The following DLEU7 variants were observed in gnomAD, a reference collection of about 807,000 sequenced individuals.
The protein encoded by DLEU7 is deleted in lymphocytic leukemia 7, also known as leukemia-associated protein 7.
A neutral mutation model predicts 16.0 loss-of-function variants in DLEU7; 17 were observed. The observed-to-expected ratio is 1.06, with a 90% CI of 0.73 to 1.59. DLEU7 has a LOEUF of 1.59. DLEU7 is among the 40% of genes most tolerant of loss of function. The pLI, the probability that DLEU7 is intolerant of heterozygous loss-of-function variation, is 0.00. For synonymous variants in DLEU7, 113 were observed against 139.8 expected (o/e 0.81, Z 1.35); for missense variants, 308 against 314.9 (o/e 0.98, Z 0.17).
chr13:50,738,618 A>G (rs1369811789), intron 1 of DLEU7, among the ~76,000 whole-genome samples: 1 of 152,106 alleles, frequency 6.6e-6, no homozygotes, highest in Non-Finnish European at 1.5e-5. Flanking sequence ...CTCTTTCCAC[A>G]TTACCCTGCT....
rs1014222176 is a variant in DLEU7, at chr13:50,777,520, C to G, written c.460-64280G>C. ...TCCTTGCTCCTCAGCTTGTAGACAG[C>G]CTGTTGTGGAACCTTGTGATCATGT... On this transcript the variant is annotated intron_variant, in intron 1 of 1. Coordinates refer to the DLEU7 transcript ENST00000400393. 2.0e-5 allele frequency among the ~76,000 whole-genome samples: 3 copies of G among 152,136 alleles called. No individual in the cohort carries two copies. In the East Asian group the frequency reaches 5.8e-4, roughly 29 times the overall value.
chr13:50,768,233 T>C (rs1176446210), intron 1 of DLEU7, among the ~76,000 whole-genome samples: 3 of 152,192 alleles, frequency 2.0e-5, no homozygotes, highest in Non-Finnish European at 4.4e-5. Context: ...TATATACATA[T>C]ATATATTTGC....
At chr13:50,796,232 T>C (rs1306138182) in intron 1 of DLEU7, among the ~76,000 whole-genome samples, 2 of 152,168 alleles carry the variant, frequency 1.3e-5, no homozygotes, top group South Asian at 4.1e-4. Context: ...AGATTAATAA[T>C]AACTAATAAT....
Position 50,843,323 on chromosome 13 carries a change from C to A in DLEU7, c.324G>T (p.Gly108=). The A allele has an allele frequency of 6.6e-7, 1 of 1,504,438 alleles. No individual in the cohort carries two copies. The highest frequency in any genetic ancestry group is 8.9e-7 in the Non-Finnish European group (1 of 1,127,242). 93.2% of individuals were successfully genotyped at this position (1,504,438 alleles called of 1,614,324 possible). A position where few individuals can be genotyped will look rare whatever the true frequency, so the allele number is the denominator to read the frequency against. ...AELLPFPRDR[G]PCTLAQMAMR... ...TCGCCATCTGGGCCAGGGTGCAGGG[C>A]CCGCGGTCCCGGGGGAAGGGCAGCA... The change falls in exon 1 of 2, where the codon GGG becomes GGT. Residue 108 remains glycine, a synonymous_variant. Coordinates refer to ENST00000504404, the MANE Select transcript of DLEU7 (RefSeq NM_001306135.2). The surrounding 1 kb of genome is among the most constrained non-coding windows in gnomAD (Gnocchi z 5.7).
chr13:50,818,991 AAT>A (rs1481162071), downstream of DLEU7, among the ~76,000 whole-genome samples: 2 of 152,202 alleles, frequency 1.3e-5, no homozygotes, highest in Non-Finnish European at 2.9e-5. Context: ...ACTTTATTGC[AAT>A]ATATGATAAT....
rs1400826986 is a variant in DLEU7, at chr13:50,823,478, G to T, written c.502C>A (p.Gln168Lys). The stretch of plus-strand genomic sequence containing the variant: ...CTGTCAAACTGCTGTCCTTCAATCT[G>T]TAGAGCCAAATGACTGCAGATGTTT... ...FRNICSHLAL[Q>K]IEGQQFDRDL... Residue 168 changes from glutamine to lysine, a missense_variant, in exon 2 of 2, where the codon CAG (glutamine) becomes AAG (lysine). By Grantham distance (53) the Gln-to-Lys change is moderately conservative. Transcript: ENST00000504404. The T allele has an allele frequency of 6.5e-7, 1 of 1,535,908 alleles. No homozygotes were observed. The highest frequency in any genetic ancestry group is 2.0e-5 in the Admixed American group (1 of 50,990).
At chr13:50,715,084 C>T (rs764222236) in intron 1 of DLEU7, among the ~76,000 whole-genome samples, 72 of 152,170 alleles carry the variant, frequency 4.7e-4, no homozygotes, top group Non-Finnish European at 3.7e-4. Flanking sequence ...TGCGGGCTGT[C>T]GGCGGGAACT....
intron 1 of DLEU7, among the ~76,000 whole-genome samples, chr13:50,748,894 CT>C (rs202226297): frequency 3.9e-5 from 6 of 151,970 alleles, no homozygotes; most frequent in Admixed American, 2.0e-4. Context: ...AATCTACATG[CT>C]TTTTTTTCCC....
At chr13:50,737,037 C>G (rs891493867) in intron 1 of DLEU7, among the ~76,000 whole-genome samples, 1 of 151,906 alleles carries the variant, frequency 6.6e-6, no homozygotes, top group Admixed American at 6.6e-5. Flanking sequence ...AAAAATTATC[C>G]AACATTTAAT....
downstream of DLEU7, chr13:50,711,423 C>A (rs1253964368): frequency 2.0e-5 from 3 of 152,170 alleles, no homozygotes; most frequent in Non-Finnish European, 2.9e-5. Flanking sequence ...TTCAGATCTA[C>A]AAAGGACAGA....
At chr13:50,840,523 C>G (rs1877616392) in intron 1 of DLEU7, among the ~76,000 whole-genome samples, 1 of 152,196 alleles carries the variant, frequency 6.6e-6, no homozygotes. Flanking sequence ...AACTCATTAT[C>G]CCCCTGCGGG....
At chr13:50,827,040 C>T (rs7322681) in intron 1 of DLEU7, among the ~76,000 whole-genome samples, 85,254 of 151,976 alleles carry the variant, frequency 0.56, 24,212 homozygotes, top group African/African-American at 0.65. Flanking sequence ...CTGAAAATGG[C>T]TGAGATTCAG....
intron 1 of DLEU7, among the ~76,000 whole-genome samples, chr13:50,747,332 CTGTGTGTG>C (rs3039979): frequency 3.2e-3 from 446 of 137,806 alleles, no homozygotes; most frequent in African/African-American, 7.4e-3. Flanking sequence ...AAGAAAAACT[CTGTGTGTG>C]TGTGTGTGTG....
chr13:50,813,260 C>T (rs1276428503), intron 1 of DLEU7, among the ~76,000 whole-genome samples: 1 of 152,114 alleles, frequency 6.6e-6, no homozygotes, highest in Non-Finnish European at 1.5e-5. Flanking sequence ...AAATTTCCTT[C>T]CTTACATCAC....
intron 1 of DLEU7, among the ~76,000 whole-genome samples, chr13:50,732,624 A>AAAAAAAAAAAAC (rs1339399517): frequency 6.6e-6 from 1 of 151,510 alleles, no homozygotes; most frequent in African/African-American, 2.4e-5. Context: ...AAAAAAAAAA[A>AAAAAAAAAAAAC]AAGCTTATGT....
chr13:50,747,579 A>G (rs1874439321), intron 1 of DLEU7, among the ~76,000 whole-genome samples: 1 of 152,066 alleles, frequency 6.6e-6, no homozygotes, highest in Non-Finnish European at 1.5e-5. Flanking sequence ...ATCTAGTTGG[A>G]GCCAGTCACA....
chr13:50,765,015 T>C (rs909885791), intron 1 of DLEU7, among the ~76,000 whole-genome samples: 8 of 152,160 alleles, frequency 5.3e-5, no homozygotes, highest in African/African-American at 1.9e-4. Context: ...CCAAAGTAGC[T>C]GGGATTACAG....
intron 1 of DLEU7, among the ~76,000 whole-genome samples, chr13:50,715,186 C>T (rs1873406080): frequency 6.6e-6 from 1 of 152,190 alleles, no homozygotes; most frequent in Non-Finnish European, 1.5e-5. Context: ...GAATCCTTCT[C>T]ACGAGGCCTC....
chr13:50,727,749 G>A (rs561344535), intron 1 of DLEU7, among the ~76,000 whole-genome samples: 9 of 152,184 alleles, frequency 5.9e-5, no homozygotes, highest in East Asian at 5.8e-4. Flanking sequence ...GGCTTTTCTC[G>A]GACCCTACAC....
Sources: allele counts gnomAD v4.1 joint callset (sites outside exome capture counted in the v4.1 genomes callset), GRCh38; gene constraint gnomAD v4.1.1; non-coding constraint Gnocchi (gnomAD v3.1); transcripts MANE v1.5; gene names NCBI Gene and HGNC (gene_info 2026-07-23, HGNC 2026-07-21).